The following MSI2 variants were observed in gnomAD, a reference collection of about 807,000 sequenced individuals.
MSI2 encodes the protein musashi RNA binding protein 2.
Under a neutral mutation model 45.6 loss-of-function variants are expected in MSI2, and 17 were observed. The ratio of observed to expected loss-of-function variants is 0.37; its 90% CI spans 0.26 to 0.56. The LOEUF (loss-of-function observed/expected upper bound fraction) is 0.56, where lower values mean the gene tolerates loss of function less well. MSI2 is among the 20% of genes least tolerant of loss of function. MSI2 has a pLI of 0.77. For missense variants in MSI2, 293 were observed against 444.2 expected, an observed-to-expected ratio of 0.66 and a Z score of 3.06; for synonymous variants, 156 against 158.2, an observed-to-expected ratio of 0.99 and a Z score of 0.11.
intron 7 of MSI2, among the ~76,000 whole-genome samples, chr17:57,562,244 G>A (rs1423549043): frequency 1.3e-5 from 2 of 152,188 alleles, no homozygotes; most frequent in East Asian, 1.9e-4. Context: ...GGTAAGCCAA[G>A]TGCTGTGGCA....
At chr17:57,548,897 T>TA (rs2087233427) in intron 7 of MSI2, among the ~76,000 whole-genome samples, 1 of 122,552 alleles carries the variant, frequency 8.2e-6, no homozygotes, top group Non-Finnish European at 1.7e-5. Flanking sequence ...TTGTTTACCC[T>TA]TCCCCCCCCC....
At chr17:57,659,128 G>C (rs1233778374) in intron 11 of MSI2, among the ~76,000 whole-genome samples, 7 of 152,078 alleles carry the variant, frequency 4.6e-5, no homozygotes, top group Admixed American at 4.6e-4. Flanking sequence ...GCCCAGGCTG[G>C]AATGAAGTGC....
At chr17:57,345,647 TG>T (rs1276265547) in intron 5 of MSI2, among the ~76,000 whole-genome samples, 2 of 151,974 alleles carry the variant, frequency 1.3e-5, no homozygotes, top group African/African-American at 4.8e-5. Flanking sequence ...GGTAAAACCC[TG>T]TCTGTGCTAA....
At chr17:57,414,817 G>A (rs183530788) in intron 6 of MSI2, among the ~76,000 whole-genome samples, 8 of 152,074 alleles carry the variant, frequency 5.3e-5, no homozygotes, top group Non-Finnish European at 7.3e-5. Context: ...TTTCCAACCC[G>A]CAGCAAAAGC....
rs573907980 is a variant in MSI2, at chr17:57,507,675, A to C, written c.406-22001A>C. Among the ~76,000 whole-genome samples the C allele has an allele frequency of 5.3e-5, 8 of 152,040 alleles. No individual in the cohort carries two copies. The South Asian group carries it at 1.7e-3, about 32-fold the overall frequency. Reference sequence around the variant, plus strand: ...ACCCCCCTGACCCCCGCCTCACCAAAGTTTCAAGAAAATATTTCAAGTCTT... The same window carrying C: ...ACCCCCCTGACCCCCGCCTCACCAACGTTTCAAGAAAATATTTCAAGTCTT... On this transcript the variant is annotated intron_variant, in intron 6 of 13. Coordinates refer to ENST00000284073, the MANE Select transcript of MSI2 (RefSeq NM_138962.4).
chr17:57,342,751 A>G (rs1915273141), intron 5 of MSI2, among the ~76,000 whole-genome samples: 1 of 152,244 alleles, frequency 6.6e-6, no homozygotes, highest in Non-Finnish European at 1.5e-5. Context: ...TTAAAAAATT[A>G]GAAACCAAAA....
chr17:57,438,047 G>A (rs1207817566), intron 6 of MSI2, among the ~76,000 whole-genome samples: 1 of 152,216 alleles, frequency 6.6e-6, no homozygotes, highest in East Asian at 1.9e-4. Context: ...ATTTGGATTG[G>A]GTGGTTATGG....
chr17:57,394,404 C>G (rs889545966), intron 5 of MSI2, among the ~76,000 whole-genome samples: 8 of 152,132 alleles, frequency 5.3e-5, no homozygotes, highest in Non-Finnish European at 1.2e-4. Context: ...CTAAGTCAGG[C>G]AACTCATGGG....
At chr17:57,332,990 A>G (rs1914391415) in intron 5 of MSI2, among the ~76,000 whole-genome samples, 1 of 151,936 alleles carries the variant, frequency 6.6e-6, no homozygotes, top group Non-Finnish European at 1.5e-5. Context: ...ATGCCACTGC[A>G]CTCCAGCCTG....
intron 10 of MSI2, chr17:57,629,094 T>TACAATA (rs1909103186): frequency 6.6e-6 from 1 of 152,266 alleles, no homozygotes; most frequent in African/African-American, 2.4e-5. Context: ...ATTTTTCTGG[T>TACAATA]ACAATAACAC....
At chr17:57,426,252 C>T (rs1422375677) in intron 6 of MSI2, among the ~76,000 whole-genome samples, 1 of 152,180 alleles carries the variant, frequency 6.6e-6, no homozygotes, top group African/African-American at 2.4e-5. Context: ...CGGTTTTGTC[C>T]TAGACAGGAT....
At chr17:57,313,654 A>C (rs1912598297) in intron 5 of MSI2, among the ~76,000 whole-genome samples, 1 of 152,214 alleles carries the variant, frequency 6.6e-6, no homozygotes. Flanking sequence ...TGGCACAGGC[A>C]GGGGAACTTG....
intron 6 of MSI2, among the ~76,000 whole-genome samples, chr17:57,481,268 A>G (rs752633845): frequency 5.9e-5 from 9 of 152,246 alleles, no homozygotes; most frequent in East Asian, 1.9e-4. Context: ...TCAAAAGGAT[A>G]TATCCATTCT....
At chr17:57,549,325 T>C (rs2087250213) in intron 7 of MSI2, among the ~76,000 whole-genome samples, 1 of 151,766 alleles carries the variant, frequency 6.6e-6, no homozygotes, top group Non-Finnish European at 1.5e-5. Flanking sequence ...TTTTTTTTTT[T>C]TTTTTTGCAA....
chr17:57,273,534 G>C (rs1211658081), intron 5 of MSI2, among the ~76,000 whole-genome samples: 1 of 95,624 alleles, frequency 1.0e-5, no homozygotes, highest in Non-Finnish European at 2.0e-5. Context: ...GGGGATGTGG[G>C]TGGGGGGGGG....
At chr17:57,487,676 C>A (rs1250808492) in intron 6 of MSI2, among the ~76,000 whole-genome samples, 1 of 151,918 alleles carries the variant, frequency 6.6e-6, no homozygotes, top group Non-Finnish European at 1.5e-5. Flanking sequence ...CAGGTGCACT[C>A]TCCATGCCTC....
intron 5 of MSI2, among the ~76,000 whole-genome samples, chr17:57,271,097 A>T (rs1254978854): frequency 1.3e-5 from 2 of 152,138 alleles, no homozygotes; most frequent in Non-Finnish European, 2.9e-5. Context: ...AGGTCTCCCC[A>T]TGAGTCTTCT....
chr17:57,621,749 C>T (rs372116068), intron 9 of MSI2, among the ~76,000 whole-genome samples: 35 of 152,308 alleles, frequency 2.3e-4, no homozygotes, highest in African/African-American at 6.5e-4. Flanking sequence ...AAACCTACAC[C>T]TGTTTTGGTT....
chr17:57,336,966 A>G (rs116034260), intron 5 of MSI2, among the ~76,000 whole-genome samples: 3 of 152,108 alleles, frequency 2.0e-5, no homozygotes, highest in African/African-American at 7.2e-5. Flanking sequence ...AGACATGGCC[A>G]AGCAGGAGCT....
Sources: gnomAD v4.1 joint callset for allele counts (sites outside exome capture counted in the v4.1 genomes callset) on GRCh38, gnomAD v4.1.1 for gene constraint, MANE v1.5 for transcripts, NCBI Gene and HGNC (gene_info 2026-07-23, HGNC 2026-07-21) for gene names.